OLFM1: variants seen among roughly 807,000 people sequenced by gnomAD.
The protein encoded by OLFM1 is noelin.
Under a neutral mutation model 49.7 loss-of-function variants are expected in OLFM1, and 9 were observed. The observed-to-expected ratio is 0.18, with a 90% CI of 0.11 to 0.32. The LOEUF (loss-of-function observed/expected upper bound fraction) is 0.32. OLFM1 is among the 10% of genes least tolerant of loss of function. OLFM1 has a pLI of 1.00. For missense variants in OLFM1, 369 were observed against 661.8 expected (o/e 0.56, Z 4.85); for synonymous variants, 240 against 271.8 (o/e 0.88, Z 1.15).
At position 135,120,234 on chromosome 9, in the gene OLFM1, A is replaced by T; in HGVS notation, c.*56A>T. The T allele has an allele frequency of 6.9e-7, 1 of 1,445,704 alleles. No homozygotes were observed. Among genetic ancestry groups the T allele is most frequent in the Non-Finnish European group, 9.4e-7 (1 of 1,064,148 alleles). The allele number at this position is 1,445,704 out of a possible 1,614,324, so 89.6% of individuals were successfully genotyped here. ...TCCTCACCACAAAGGGACTCCTGTG[A>T]AACTGCTGCCAAAAAGATACCAATA... On this transcript the variant is annotated 3_prime_UTR_variant, in exon 6 of 6. Coordinates refer to ENST00000371793, the MANE Select transcript of OLFM1 (RefSeq NM_001282611.2).
At chr9:135,083,411 G>T (rs751155647), upstream of OLFM1, among the ~76,000 whole-genome samples, 1 of 152,188 alleles carries the variant, frequency 6.6e-6, no homozygotes, top group Non-Finnish European at 1.5e-5. Context: ...GATGGGGGCC[G>T]TGGACAAGTC....
At chr9:135,075,767 C>T (rs1830455950) in exon 1 of OLFM1, 1 of 1,607,594 alleles carries the variant, frequency 6.2e-7, no homozygotes, top group Admixed American at 1.7e-5. Context: ...CCTCAGCCTC[C>T]TCTTCCTCAT....
At position 135,098,523 on chromosome 9, in the gene OLFM1, C is replaced by T. The variant is rs376765020; in HGVS notation, c.676+18C>T. 1.1e-5 allele frequency: 18 copies of T among 1,600,042 alleles called. No individual in the cohort carries two copies. Among genetic ancestry groups the T allele is most frequent in the Non-Finnish European group, 1.5e-5 (18 of 1,168,504 alleles). On this transcript the variant is annotated intron_variant, in intron 4 of 5. Transcript: ENST00000371793. The surrounding 1 kb of genome is among the most constrained non-coding windows in gnomAD (Gnocchi z 5.6). ...AAAACTAGGTAGGCCCAGTACCCTG[C>T]GGGACGTGGCGCTGCACTGCCCACC...
Position 135,120,407 on chromosome 9 carries a change from C to T in OLFM1, c.*229C>T, listed in dbSNP as rs187803075. 1,661 of 571,842 alleles carry T rather than the reference C, an allele frequency of 2.9e-3. 7 individuals are homozygous for T. The highest frequency in any genetic ancestry group is 4.4e-3 in the Non-Finnish European group (1,418 of 323,066). 35.4% of individuals were successfully genotyped at this position (571,842 alleles called of 1,614,324 possible). On this transcript the variant is annotated 3_prime_UTR_variant, in exon 6 of 6. Transcript: ENST00000371793. The stretch of plus-strand genomic sequence containing the variant: ...TATTTGCAGCTGGAACTGCAGCCCA[C>T]GGCGCCCCGGTTTTCCTCCCCGCCC...
At chr9:135,109,920 G>T (rs971677491) in intron 5 of OLFM1, among the ~76,000 whole-genome samples, 2 of 152,134 alleles carry the variant, frequency 1.3e-5, no homozygotes, top group African/African-American at 4.8e-5. Flanking sequence ...GCCTTGCTAA[G>T]CTGTCAGAAC....
At chr9:135,085,428 C>T (rs149463687), upstream of OLFM1, among the ~76,000 whole-genome samples, 789 of 152,368 alleles carry the variant, frequency 5.2e-3, 11 homozygotes, top group Admixed American at 4.0e-3. Flanking sequence ...TAGGCTGTCA[C>T]CATATGACCT....
chr9:135,091,531 AGTCACACTCACATAGTCACACACT>A (rs1242003030), intron 2 of OLFM1, among the ~76,000 whole-genome samples: 260 of 149,428 alleles, frequency 1.7e-3, no homozygotes, highest in Non-Finnish European at 2.7e-3. Context: ...ATAGTCACAC[AGTCACACTCACATAGTCACACACT>A]CATAGTCACA....
chr9:135,081,150 T>C (rs962019687), intron 1 of OLFM1, among the ~76,000 whole-genome samples: 1 of 152,116 alleles, frequency 6.6e-6, no homozygotes, highest in Admixed American at 6.5e-5. Context: ...ATTCTTGACC[T>C]GAGGACACAC....
At chr9:135,101,046 T>C (rs554463625) in intron 4 of OLFM1, among the ~76,000 whole-genome samples, 7 of 152,186 alleles carry the variant, frequency 4.6e-5, no homozygotes, top group Non-Finnish European at 1.0e-4. Context: ...CAAATTAATA[T>C]CCTGCAGCTG....
chr9:135,120,566 G>A lies in OLFM1; in HGVS notation c.*388G>A, dbSNP rs11834. ...CGTGGTCAGCTCCGAGGAATGTGGC[G>A]TCCAGGCTCTTTGAGAGCCATGGGC... is the stretch of plus-strand genomic sequence containing the variant. On this transcript the variant is annotated 3_prime_UTR_variant, in exon 6 of 6. Coordinates refer to ENST00000371793, the MANE Select transcript of OLFM1 (RefSeq NM_001282611.2). 20,978 of 223,560 alleles carry A rather than the reference G, an allele frequency of 0.094. 1,104 individuals carry two copies. The highest frequency in any genetic ancestry group is 0.13 in the Middle Eastern group (77 of 584). 13.8% of individuals were successfully genotyped at this position (223,560 alleles called of 1,614,324 possible). A position where few individuals can be genotyped will look rare whatever the true frequency, so the allele number is the denominator to read the frequency against.
intron 5 of OLFM1, among the ~76,000 whole-genome samples, chr9:135,115,765 G>C (rs1022688845): frequency 2.0e-5 from 3 of 152,238 alleles, no homozygotes; most frequent in Non-Finnish European, 4.4e-5. Context: ...TCTGACCACT[G>C]GAAAGTCACC....
At chr9:135,091,817 TCACACACACTCACAGTCA>T (rs1433356492) in intron 2 of OLFM1, among the ~76,000 whole-genome samples, 10 of 77,278 alleles carry the variant, frequency 1.3e-4, no homozygotes, top group South Asian at 4.2e-4. Context: ...ACTCACATAG[TCACACACACTCACAGTCA>T]CACACACACT....
intron 1 of OLFM1, among the ~76,000 whole-genome samples, chr9:135,082,305 G>A (rs1345559490): frequency 6.6e-6 from 1 of 152,136 alleles, no homozygotes; most frequent in African/African-American, 2.4e-5. Flanking sequence ...TCCCTAAAGT[G>A]GTTCCATTCC....
chr9:135,094,012 C>T (rs1188765290), intron 2 of OLFM1, among the ~76,000 whole-genome samples: 1 of 152,218 alleles, frequency 6.6e-6, no homozygotes, highest in Non-Finnish European at 1.5e-5. Flanking sequence ...AAGCCTACAG[C>T]ACCGTGTGTG....
At chr9:135,104,584 G>T (rs146739099) in intron 4 of OLFM1, among the ~76,000 whole-genome samples, 3 of 152,048 alleles carry the variant, frequency 2.0e-5, no homozygotes, top group African/African-American at 7.2e-5. Flanking sequence ...TTCTCCTTCC[G>T]GACAACTAAC....
chr9:135,077,148 G>GTGCACACACACACACACACA (rs1830478443), intron 1 of OLFM1: 1 of 1,547,210 alleles, frequency 6.5e-7, no homozygotes, highest in African/African-American at 1.4e-5. Context: ...ATTCATTCAT[G>GTGCACACACACACACACACA]TGCACACACA....
At chr9:135,079,180 G>C (rs1347065680) in intron 1 of OLFM1, among the ~76,000 whole-genome samples, 1 of 152,178 alleles carries the variant, frequency 6.6e-6, no homozygotes, top group Non-Finnish European at 1.5e-5. Flanking sequence ...GTGTTTCAGT[G>C]GCAAAAGAAG....
intron 4 of OLFM1, 144 bp from the exon 5 acceptor site, chr9:135,106,605 G>A: frequency 1.6e-6 from 1 of 614,216 alleles, no homozygotes; most frequent in Non-Finnish European, 2.9e-6. Flanking sequence ...AAGGGCGTGA[G>A]CAGCTTTCCA....
chr9:135,086,088 G>A (rs1045905422), upstream of OLFM1, among the ~76,000 whole-genome samples: 1 of 152,260 alleles, frequency 6.6e-6, no homozygotes, highest in Non-Finnish European at 1.5e-5. Context: ...AGCGGCGTGA[G>A]TGATCTGGAC....
Sources: gnomAD v4.1 joint callset for allele counts (sites outside exome capture counted in the v4.1 genomes callset) on GRCh38, gnomAD v4.1.1 for gene constraint, Gnocchi (gnomAD v3.1) non-coding constraint, MANE v1.5 for transcripts, NCBI Gene and HGNC (gene_info 2026-07-23, HGNC 2026-07-21) for gene names.